Variants in RUVBL1 observed in about 807,000 individuals in gnomAD.
RUVBL1 encodes the protein ruvB-like 1.
A neutral mutation model predicts 52.4 loss-of-function variants in RUVBL1; 4 were observed. The observed-to-expected ratio is 0.08, with a 90% CI of 0.04 to 0.17. RUVBL1 has a LOEUF of 0.17. RUVBL1 is among the 10% of genes least tolerant of loss of function. The pLI is 1.00. For synonymous variants in RUVBL1, 217 were observed against 214.4 expected, an observed-to-expected ratio of 1.01 and a Z score of -0.10; for missense variants, 298 against 572.8, an observed-to-expected ratio of 0.52 and a Z score of 4.90.
chr3:128,121,391 C>T (rs1199197717), intron 1 of RUVBL1, among the ~76,000 whole-genome samples: 4 of 151,424 alleles, frequency 2.6e-5, no homozygotes, highest in Admixed American at 6.6e-5. Context: ...CCACTACGCC[C>T]GGCCCAGATG....
Position 128,100,734 on chromosome 3 carries a change from C to A in RUVBL1, c.614G>T (p.Arg205Met). 6.2e-7 allele frequency: 1 copy of A among 1,612,816 alleles called. No individual in the cohort carries two copies. The highest frequency in any genetic ancestry group is 8.5e-7 in the Non-Finnish European group (1 of 1,179,738). The change falls in exon 6 of 11, where the codon AGG (arginine) becomes ATG (methionine). Residue 205 changes from arginine (R) to methionine (M), a missense_variant. Around this residue, in one of 5 missense-constraint regions of RUVBL1, gnomAD observed 58 missense variants for 83.2 expected, o/e 0.70. Transcript: ENST00000322623. Reference sequence around the variant, plus strand: ...GAATTCTGTGGCATAGGTATCACACCTGCCCTGCCTCTGCAAAAAGAGAGA... The same window carrying A: ...GAATTCTGTGGCATAGGTATCACACATGCCCTGCCTCTGCAAAAAGAGAGA... ...ANSGAVKRQG[R>M]CDTYATEFDL...
chr3:128,116,045 T>C (rs372011966), intron 2 of RUVBL1, among the ~76,000 whole-genome samples: 3 of 151,988 alleles, frequency 2.0e-5, no homozygotes, highest in African/African-American at 7.3e-5. Flanking sequence ...GAGGACCACC[T>C]GAACCCAAGA....
chr3:128,126,183 TC>T (rs1193356833), upstream of RUVBL1, among the ~76,000 whole-genome samples: 1 of 149,116 alleles, frequency 6.7e-6, no homozygotes, highest in African/African-American at 2.5e-5. Flanking sequence ...TGCCCCCACT[TC>T]CACCAGAGTT....
At chr3:128,089,073 A>G (rs1167181662) in intron 8 of RUVBL1, among the ~76,000 whole-genome samples, 1 of 152,244 alleles carries the variant, frequency 6.6e-6, no homozygotes, top group Non-Finnish European at 1.5e-5. Flanking sequence ...CTATTTCAAC[A>G]GTTTAGAAAA....
Position 128,100,602 on chromosome 3 carries a change from C to T in RUVBL1, c.746G>A (p.Arg249Gln), listed in dbSNP as rs757175017. The T allele has an allele frequency of 8.7e-6, 14 of 1,606,920 alleles. No homozygotes were observed. In the Admixed American group the frequency reaches 1.2e-4, roughly 14 times the overall value. ...CAGGCATCGAGGCAGTACCTGGGGC[C>T]GCGCATTAGCCACATCCAAGTCATG... ...TLHDLDVANA[R>Q]PQGGQDILSM... The change falls in exon 6 of 11, where the codon CGG becomes CAG. Residue 249 changes from arginine (R) to glutamine (Q), a missense_variant. Around this residue, in one of 5 missense-constraint regions of RUVBL1, gnomAD observed 161 missense variants for 298.3 expected, o/e 0.54. Transcript: ENST00000322623.
At chr3:128,105,257 C>T (rs540350033) in intron 3 of RUVBL1, among the ~76,000 whole-genome samples, 2 of 151,930 alleles carry the variant, frequency 1.3e-5, no homozygotes, top group South Asian at 4.2e-4. Context: ...GTAGCTGGGA[C>T]TACAGGCGCC....
At chr3:128,126,659 T>G (rs1323427898), upstream of RUVBL1, among the ~76,000 whole-genome samples, 1 of 152,184 alleles carries the variant, frequency 6.6e-6, no homozygotes, top group Non-Finnish European at 1.5e-5. Context: ...AGCAAATGCC[T>G]GACACAGATC....
chr3:128,092,788 G>A (rs1368290611), intron 8 of RUVBL1, among the ~76,000 whole-genome samples: 1 of 152,200 alleles, frequency 6.6e-6, no homozygotes, highest in African/African-American at 2.4e-5. Context: ...AAAACAGCTG[G>A]CAGTTCCTTG....
upstream of RUVBL1, among the ~76,000 whole-genome samples, chr3:128,128,330 CAG>C (rs1306528151): frequency 6.6e-6 from 1 of 152,150 alleles, no homozygotes; most frequent in Non-Finnish European, 1.5e-5. Flanking sequence ...GCTGCAGTAA[CAG>C]AGAGATCTAA....
At chr3:128,137,928 T>C (rs1188464913) in intron 1 of RUVBL1, among the ~76,000 whole-genome samples, 3 of 152,094 alleles carry the variant, frequency 2.0e-5, no homozygotes, top group African/African-American at 7.2e-5. Flanking sequence ...ATCAATAAAA[T>C]GAAGGACAAA....
At chr3:128,116,144 C>T (rs1943517048) in intron 2 of RUVBL1, among the ~76,000 whole-genome samples, 1 of 151,086 alleles carries the variant, frequency 6.6e-6, no homozygotes, top group Admixed American at 6.6e-5. Flanking sequence ...CTGAAACTGT[C>T]TCAAAAAACA....
chr3:128,134,109 T>C lies in RUVBL1; in HGVS notation c.-39-14695A>G, dbSNP rs139855669. ...CTGGAGCTGAAAAATTCAGTTGATA[T>C]ACAAAGCATGCATCAGTCCACAGCA... On this transcript the variant is annotated intron_variant, in intron 1 of 9. Transcript: ENST00000464873. Among the ~76,000 whole-genome samples the C allele has an allele frequency of 8.2e-3, 1,247 of 152,156 alleles. 10 individuals are homozygous for C. Among genetic ancestry groups the C allele is most frequent in the Non-Finnish European group, 0.012 (802 of 68,018 alleles).
At chr3:128,104,446 C>T (rs1408541830) in intron 4 of RUVBL1, among the ~76,000 whole-genome samples, 1 of 152,182 alleles carries the variant, frequency 6.6e-6, no homozygotes, top group Non-Finnish European at 1.5e-5. Flanking sequence ...AGGTTCAGAC[C>T]CAGCCCAGGG....
chr3:128,069,804 G>C (rs550872666), intron 9 of RUVBL1: 2 of 760,750 alleles, frequency 2.6e-6, no homozygotes, highest in Non-Finnish European at 4.2e-6. Context: ...TGTGTAAAGT[G>C]CTAGACATTT....
chr3:128,069,845 C>T, intron 9 of RUVBL1: 1 of 604,304 alleles, frequency 1.7e-6, no homozygotes, highest in Non-Finnish European at 2.9e-6. Context: ...TTTATCCTGG[C>T]ACTGGCAAAA....
intron 1 of RUVBL1, among the ~76,000 whole-genome samples, chr3:128,149,619 A>G (rs1198909273): frequency 1.3e-5 from 2 of 152,252 alleles, no homozygotes; most frequent in Non-Finnish European, 2.9e-5. Context: ...CATGAAGACT[A>G]CTTTCCTTGG....
chr3:128,117,688 C>T (rs1019388461), intron 2 of RUVBL1, among the ~76,000 whole-genome samples: 5 of 151,592 alleles, frequency 3.3e-5, no homozygotes, highest in Non-Finnish European at 5.9e-5. Context: ...TCTTGGCTCA[C>T]TGATACCTCT....
chr3:128,114,801 A>T (rs116757576), intron 2 of RUVBL1, among the ~76,000 whole-genome samples: 91 of 151,694 alleles, frequency 6.0e-4, no homozygotes, highest in African/African-American at 2.2e-3. Context: ...CTAACAGCAG[A>T]CTCCCCGTGG....
intron 9 of RUVBL1, among the ~76,000 whole-genome samples, chr3:128,074,859 A>C (rs903947573): frequency 1.3e-5 from 2 of 151,776 alleles, no homozygotes; most frequent in African/African-American, 4.8e-5. Context: ...AAAAAAAAAA[A>C]AAAAAACTTA....
Sources: gnomAD v4.1 joint callset for allele counts (sites outside exome capture counted in the v4.1 genomes callset) on GRCh38, gnomAD v4.1.1 for gene constraint, gnomAD v4.1.1 regional missense constraint, MANE v1.5 for transcripts, NCBI Gene and HGNC (gene_info 2026-07-23, HGNC 2026-07-21) for gene names.